CERS6: variants seen among roughly 807,000 people sequenced by gnomAD.
The protein encoded by CERS6 is ceramide synthase 6.
Under a neutral mutation model 56.8 loss-of-function variants are expected in CERS6, and 26 were observed. That is an observed-to-expected ratio of 0.46 (90% confidence interval 0.34 to 0.63). The LOEUF is 0.63. Among genes scored for constraint, CERS6 ranks in the 30% least tolerant of loss-of-function variants. The probability of loss-of-function intolerance (pLI) is 0.01; values close to 1 mark genes in which losing one functional copy is unlikely to be tolerated. For synonymous variants in CERS6, 164 were observed against 173.3 expected, an observed-to-expected ratio of 0.95 and a Z score of 0.42; for missense variants, 415 against 467.5, an observed-to-expected ratio of 0.89 and a Z score of 1.04.
intron 3 of CERS6, among the ~76,000 whole-genome samples, chr2:168,587,017 A>C (rs1480871775): frequency 1.3e-5 from 2 of 152,014 alleles, no homozygotes; most frequent in Non-Finnish European, 2.9e-5. Flanking sequence ...CTAAAAATAC[A>C]AAAATTAGCT....
intron 8 of CERS6, among the ~76,000 whole-genome samples, chr2:168,721,505 A>G (rs1443711008): frequency 6.6e-6 from 1 of 150,700 alleles, no homozygotes; most frequent in Non-Finnish European, 1.5e-5. Context: ...TTGTAACTCT[A>G]ACTTTTTGAG....
intron 8 of CERS6, among the ~76,000 whole-genome samples, chr2:168,753,280 G>A (rs1429105797): frequency 6.6e-6 from 1 of 152,152 alleles, no homozygotes; most frequent in Non-Finnish European, 1.5e-5. Context: ...CCCAGGCACA[G>A]CCATCGTATT....
chr2:168,686,464 A>AAC, intron 4 of CERS6, among the ~76,000 whole-genome samples: 1 of 151,692 alleles, frequency 6.6e-6, no homozygotes, highest in Admixed American at 6.6e-5. Flanking sequence ...AAAAAAAAAA[A>AAC]AATTAAGGAA....
intron 3 of CERS6, among the ~76,000 whole-genome samples, chr2:168,610,455 T>A (rs189608643): frequency 6.6e-6 from 1 of 152,344 alleles, no homozygotes; most frequent in East Asian, 1.9e-4. Flanking sequence ...CCTCGGTATA[T>A]CTTAATGAAT....
intron 4 of CERS6, among the ~76,000 whole-genome samples, chr2:168,655,222 G>C (rs894265913): frequency 1.3e-5 from 2 of 152,098 alleles, no homozygotes; most frequent in Admixed American, 6.5e-5. Context: ...TTATCAAAAA[G>C]AAAAGAGAGA....
intron 4 of CERS6, among the ~76,000 whole-genome samples, chr2:168,680,600 C>T (rs886215643): frequency 4.0e-5 from 6 of 151,722 alleles, no homozygotes; most frequent in Admixed American, 6.6e-5. Context: ...GTGTCCCCTC[C>T]AGAGTTCAGG....
Position 168,486,518 on chromosome 2 carries a change from G to GTTTTTTTTTTTTTTTTTTTT in CERS6, c.170+29900_170+29901insTTTTTTTTTTTTTTTTTTTT, listed in dbSNP as rs1491580943. Among the ~76,000 whole-genome samples the GTTTTTTTTTTTTTTTTTTTT allele has an allele frequency of 5.4e-4, 73 of 136,298 alleles. 3 individuals carry two copies. The highest frequency in any genetic ancestry group is 1.6e-3 in the East Asian group (7 of 4,512). 89.4% of individuals were successfully genotyped at this position (136,298 alleles called of 152,430 possible). A position where few individuals can be genotyped will look rare whatever the true frequency, so the allele number is the denominator to read the frequency against. ...ATTTTTGTTAAAGGTGTCTAGATTT[G>GTTTTTTTTTTTTTTTTTTTT]GTTTTGTTTTTTTTTTTTTTGCCTA... On this transcript the variant is annotated intron_variant, in intron 1 of 9. Transcript: ENST00000305747.
At chr2:168,660,401 CTT>C (rs908445328) in intron 4 of CERS6, among the ~76,000 whole-genome samples, 2 of 152,162 alleles carry the variant, frequency 1.3e-5, no homozygotes, top group African/African-American at 2.4e-5. Flanking sequence ...AACAGTCTCT[CTT>C]TGTTTATAAG....
At chr2:168,592,824 A>G (rs1475857225) in intron 3 of CERS6, among the ~76,000 whole-genome samples, 4 of 152,220 alleles carry the variant, frequency 2.6e-5, no homozygotes, top group Admixed American at 6.5e-5. Flanking sequence ...TATTATGTAT[A>G]TTAGTTCCTA....
At chr2:168,638,483 A>G (rs1684913249) in intron 4 of CERS6, among the ~76,000 whole-genome samples, 3 of 152,070 alleles carry the variant, frequency 2.0e-5, no homozygotes, top group Admixed American at 2.0e-4. Flanking sequence ...ATGTACAACT[A>G]CTATATATCA....
chr2:168,607,945 T>A (rs1290722315), intron 3 of CERS6, among the ~76,000 whole-genome samples: 1 of 152,246 alleles, frequency 6.6e-6, no homozygotes, highest in Non-Finnish European at 1.5e-5. Flanking sequence ...TTCTTTAATG[T>A]ATGTTCCATC....
intron 1 of CERS6, among the ~76,000 whole-genome samples, chr2:168,459,005 G>A (rs1693729764): frequency 6.6e-6 from 1 of 152,108 alleles, no homozygotes; most frequent in African/African-American, 2.4e-5. Context: ...CACATTCAAT[G>A]GCCTTCTAGC....
At chr2:168,490,202 G>A (rs967484990) in intron 1 of CERS6, among the ~76,000 whole-genome samples, 40 of 152,160 alleles carry the variant, frequency 2.6e-4, no homozygotes, top group African/African-American at 8.9e-4. Context: ...ACAGCTTAGG[G>A]TGAAGCCAGG....
At chr2:168,567,311 G>A (rs1289028567) in intron 3 of CERS6, among the ~76,000 whole-genome samples, 2 of 152,148 alleles carry the variant, frequency 1.3e-5, no homozygotes, top group East Asian at 3.8e-4. Flanking sequence ...TTATATCTGT[G>A]GGTTGTATTC....
chr2:168,598,645 G>A (rs1683860329), intron 3 of CERS6, among the ~76,000 whole-genome samples: 1 of 151,996 alleles, frequency 6.6e-6, no homozygotes, highest in Non-Finnish European at 1.5e-5. Context: ...GAAAAAAAAG[G>A]TCCCAATTCC....
chr2:168,609,639 C>T (rs1326402973), intron 3 of CERS6, among the ~76,000 whole-genome samples: 1 of 152,150 alleles, frequency 6.6e-6, no homozygotes, highest in African/African-American at 2.4e-5. Context: ...GCCACTGAAG[C>T]CTTGCCCATT....
At chr2:168,482,360 A>G (rs984532086) in intron 1 of CERS6, among the ~76,000 whole-genome samples, 10 of 152,230 alleles carry the variant, frequency 6.6e-5, no homozygotes, top group Non-Finnish European at 7.3e-5. Context: ...GAGTCTGTGC[A>G]GTTGTTGAAG....
At chr2:168,670,700 C>T (rs1685885692) in intron 4 of CERS6, among the ~76,000 whole-genome samples, 1 of 152,168 alleles carries the variant, frequency 6.6e-6, no homozygotes. Context: ...GTGATGCCTT[C>T]CTGGCTATGC....
intron 3 of CERS6, among the ~76,000 whole-genome samples, chr2:168,582,075 C>T (rs1219219658): frequency 2.0e-5 from 3 of 152,190 alleles, no homozygotes; most frequent in African/African-American, 2.4e-5. Context: ...TGTTATTTTC[C>T]TTTCCCTTTT....
Sources: gnomAD v4.1 joint callset for allele counts (sites outside exome capture counted in the v4.1 genomes callset) on GRCh38, gnomAD v4.1.1 for gene constraint, MANE v1.5 for transcripts, NCBI Gene and HGNC (gene_info 2026-07-23, HGNC 2026-07-21) for gene names.